PCDHA1: variants seen among roughly 807,000 people sequenced by gnomAD.
PCDHA1 encodes the protein protocadherin alpha-1.
PCDHA1 carries 42 observed loss-of-function variants against 61.3 expected under a neutral mutation model. The observed-to-expected ratio is 0.69, with a 90% CI of 0.54 to 0.89. PCDHA1 has a LOEUF of 0.89. PCDHA1 is among the 40% of genes least tolerant of loss of function. The probability of loss-of-function intolerance (pLI) is 0.00; values close to 1 mark genes in which losing one functional copy is unlikely to be tolerated. For synonymous variants in PCDHA1, 610 were observed against 553.8 expected (o/e 1.10, Z -1.43); for missense variants, 1,256 against 1,235.3 (o/e 1.02, Z -0.25).
chr5:140,972,958 G>C (rs918792607), intron 1 of PCDHA1, among the ~76,000 whole-genome samples: 1 of 152,038 alleles, frequency 6.6e-6, no homozygotes, highest in African/African-American at 2.4e-5. Context: ...CACCATGCCC[G>C]GCAAAGGAAA....
In PCDHA1 at chr5:140,787,832, C is replaced by T. The variant is rs781921336; in HGVS notation, c.1542C>T (p.Ser514=). 1 of 1,612,566 alleles carries T rather than the reference C, an allele frequency of 6.2e-7. No individual in the cohort carries two copies. ...LSNYVSVHAE[S]GKVYALQPLD... ...ACTACGTGTCAGTGCACGCGGAGAG[C>T]GGCAAGGTGTACGCACTGCAGCCCC... Residue 514 remains serine, a synonymous_variant, in exon 1 of 4, where the codon AGC becomes AGT. Coordinates refer to ENST00000504120, the MANE Select transcript of PCDHA1 (RefSeq NM_018900.4).
At position 140,946,631 on chromosome 5, in the gene PCDHA1, T is replaced by C. The variant is rs75895301; in HGVS notation, c.2395-32318T>C. Among the ~76,000 whole-genome samples, 565 of 131,680 alleles carry C rather than the reference T, an allele frequency of 4.3e-3. 19 individuals are homozygous for C. Among genetic ancestry groups the C allele is most frequent in the Middle Eastern group, 0.019 (5 of 266 alleles). 86.4% of individuals were successfully genotyped at this position (131,680 alleles called of 152,430 possible). A position where few individuals can be genotyped will look rare whatever the true frequency, so the allele number is the denominator to read the frequency against. On this transcript the variant is annotated intron_variant, in intron 1 of 3. Coordinates refer to ENST00000504120, the MANE Select transcript of PCDHA1 (RefSeq NM_018900.4). ...TGTGAAATATATATATATATATATA[T>C]ACAATGGAATACTCATCAGCCATTA... is the stretch of plus-strand genomic sequence containing the variant.
In PCDHA1 at chr5:140,869,324, T is replaced by C. The variant is rs1581884799; in HGVS notation, c.2394+80640T>C. 1.9e-6 allele frequency: 3 copies of C among 1,613,876 alleles called. No individual in the cohort carries two copies. In the East Asian group the frequency reaches 6.7e-5, roughly 36 times the overall value. On this transcript the variant is annotated intron_variant, in intron 1 of 3. Coordinates refer to ENST00000504120, the MANE Select transcript of PCDHA1 (RefSeq NM_018900.4). Reference sequence around the variant, plus strand: ...GTGGCGTCCAAAACACATGGGGACCTTCTGGAGGTAAATCTGCAGAATGGC... The same window carrying C: ...GTGGCGTCCAAAACACATGGGGACCCTCTGGAGGTAAATCTGCAGAATGGC...
chr5:140,803,932 C>A lies in PCDHA1; in HGVS notation c.2394+15248C>A. On this transcript the variant is annotated intron_variant, in intron 1 of 3. Coordinates refer to ENST00000504120, the MANE Select transcript of PCDHA1 (RefSeq NM_018900.4). ...TGACTTCGACTTGTTTTATACTTAT[C>A]CCTATACAATGCTTCTTCAATATCT... 3 of 439,350 alleles carry A rather than the reference C, an allele frequency of 6.8e-6. No individual in the cohort carries two copies. In the South Asian group the frequency reaches 8.9e-5, roughly 13 times the overall value. The allele number at this position is 439,350 out of a possible 1,614,324, so 27.2% of individuals were successfully genotyped here.
intron 1 of PCDHA1, chr5:140,823,532 C>A (rs138704270): frequency 3.1e-6 from 5 of 1,613,746 alleles, no homozygotes; most frequent in Admixed American, 1.7e-5. Flanking sequence ...TCAGTGGGTG[C>A]GGGCCACGTG....
Position 140,856,846 on chromosome 5 carries a change from T to C in PCDHA1, c.2394+68162T>C. On this transcript the variant is annotated intron_variant, in intron 1 of 3. Coordinates refer to ENST00000504120, the MANE Select transcript of PCDHA1 (RefSeq NM_018900.4). Reference sequence around the variant, plus strand: ...CATTAGTAATACGGCTCAACGCTTCTGATTCGGATGAAGGAATAAACAAGG... The same window carrying C: ...CATTAGTAATACGGCTCAACGCTTCCGATTCGGATGAAGGAATAAACAAGG... 3.8e-6 allele frequency: 6 copies of C among 1,593,220 alleles called. 1 individual carries two copies. Among genetic ancestry groups the C allele is most frequent in the Non-Finnish European group, 5.2e-6 (6 of 1,163,214 alleles).
At position 140,803,133 on chromosome 5, in the gene PCDHA1, C is replaced by T. The variant is rs1554122593; in HGVS notation, c.2394+14449C>T. The T allele has an allele frequency of 3.1e-6, 5 of 1,613,844 alleles. No individual in the cohort carries two copies. The South Asian group carries it at 4.4e-5, about 14-fold the overall frequency. ...GGACGAGGTGGACGCCCCGCGCCAT[C>T]GCCTACTGGTGCTGGTGAAGGACCA... is the stretch of plus-strand genomic sequence containing the variant. On this transcript the variant is annotated intron_variant, in intron 1 of 3. Transcript: ENST00000504120.
intron 3 of PCDHA1, among the ~76,000 whole-genome samples, chr5:141,006,862 A>G (rs1188678069): frequency 4.6e-5 from 7 of 152,244 alleles, no homozygotes; most frequent in Non-Finnish European, 1.0e-4. Flanking sequence ...TTAGAAAGGA[A>G]TAGATTCGAG....
chr5:140,824,510 G>A (rs1052808774), intron 1 of PCDHA1: 6 of 283,302 alleles, frequency 2.1e-5, no homozygotes, highest in Non-Finnish European at 2.6e-5. Flanking sequence ...AGTCTGCAGT[G>A]ATCTGATCAT....
intron 1 of PCDHA1, among the ~76,000 whole-genome samples, chr5:140,895,893 C>A (rs899081253): frequency 6.6e-6 from 1 of 152,188 alleles, no homozygotes; most frequent in African/African-American, 2.4e-5. Context: ...CTCACTGCAA[C>A]CTCCGCGTCC....
At chr5:140,941,099 TATTACTGG>T (rs1174229664) in intron 1 of PCDHA1, among the ~76,000 whole-genome samples, 5 of 152,146 alleles carry the variant, frequency 3.3e-5, no homozygotes, top group Non-Finnish European at 1.5e-5. Context: ...TTTCACATAC[TATTACTGG>T]AAAGATTAGT....
chr5:140,810,343 T>C (rs1416120217), intron 1 of PCDHA1: 1 of 152,252 alleles, frequency 6.6e-6, no homozygotes, highest in Non-Finnish European at 1.5e-5. Flanking sequence ...TCTCAGGTTT[T>C]TGCCTAAGAG....
At chr5:140,993,538 A>T (rs1175611433) in intron 3 of PCDHA1, among the ~76,000 whole-genome samples, 1 of 151,668 alleles carries the variant, frequency 6.6e-6, no homozygotes, top group Non-Finnish European at 1.5e-5. Context: ...AGAGAGAGAG[A>T]TAGAGAAGTG....
At position 140,801,509 on chromosome 5, in the gene PCDHA1, C is replaced by T. The variant is rs251382; in HGVS notation, c.2394+12825C>T. 36,339 of 1,614,194 alleles carry T rather than the reference C, an allele frequency of 0.023. 542 individuals are homozygous for T. Among genetic ancestry groups the T allele is most frequent in the Non-Finnish European group, 0.026 (30,985 of 1,180,046 alleles). ...GCGGGCGGAGCGCGGAGTGCAGCAT[C>T]CACCTGGAGGTGATCGTGGACAGGC... On this transcript the variant is annotated intron_variant, in intron 1 of 3. Transcript: ENST00000504120.
At chr5:140,806,990 G>C in intron 1 of PCDHA1, 1 of 663,806 alleles carries the variant, frequency 1.5e-6, no homozygotes, top group Non-Finnish European at 2.5e-6. Context: ...GGAGCCACAT[G>C]ATGTCGCTCT....
At chr5:140,818,474 GT>G (rs1766369825) in intron 1 of PCDHA1, among the ~76,000 whole-genome samples, 1 of 152,132 alleles carries the variant, frequency 6.6e-6, no homozygotes, top group South Asian at 2.1e-4. Flanking sequence ...CTCCCACAAA[GT>G]TTTCACTCAC....
intron 1 of PCDHA1, chr5:140,807,153 G>T: frequency 1.3e-6 from 2 of 1,581,412 alleles, no homozygotes; most frequent in Non-Finnish European, 1.7e-6. Flanking sequence ...TTTGAGAAAC[G>T]ATATTTAATC....
chr5:140,786,749 G>T lies in PCDHA1; in HGVS notation c.459G>T (p.Pro153=), dbSNP rs1202613699. ...PESRLLNSRF[P]IEGAADADIG... Reference sequence around the variant, plus strand: ...CTAGACTCCTGAATTCGCGTTTTCCGATAGAAGGAGCTGCTGATGCAGACA... The same window carrying T: ...CTAGACTCCTGAATTCGCGTTTTCCTATAGAAGGAGCTGCTGATGCAGACA... Residue 153 remains proline (P), a synonymous_variant, in exon 1 of 4, where the codon CCG becomes CCT. Transcript: ENST00000504120. 3.1e-6 allele frequency: 5 copies of T among 1,614,094 alleles called. No individual in the cohort carries two copies. Among genetic ancestry groups the T allele is most frequent in the Non-Finnish European group, 4.2e-6 (5 of 1,180,054 alleles).
intron 1 of PCDHA1, chr5:140,967,630 C>T (rs1278035224): frequency 3.7e-6 from 6 of 1,613,982 alleles, no homozygotes; most frequent in Non-Finnish European, 5.1e-6. Context: ...ATGAGGGCTC[C>T]AATGGTGAGC....
Sources: gnomAD v4.1 joint callset for allele counts (sites outside exome capture counted in the v4.1 genomes callset) on GRCh38, gnomAD v4.1.1 for gene constraint, MANE v1.5 for transcripts, NCBI Gene and HGNC (gene_info 2026-07-23, HGNC 2026-07-21) for gene names.